Variants in APBB2 observed in about 807,000 individuals in gnomAD.
APBB2 encodes amyloid beta precursor protein binding family B member 2, also known as Fe65-like 1.
Under a neutral mutation model 82.5 loss-of-function variants are expected in APBB2, and 38 were observed. The ratio of observed to expected loss-of-function variants is 0.46; its 90% CI spans 0.36 to 0.60. APBB2 has a LOEUF of 0.60. Ranked by LOEUF, APBB2 falls within the 20% of genes least tolerant of loss-of-function variation. The pLI is 0.00. For synonymous variants in APBB2, 341 were observed against 368.2 expected (o/e 0.93, Z 0.85); for missense variants, 772 against 972.3 (o/e 0.79, Z 2.74).
chr4:40,852,789 T>G (rs1009461756), intron 12 of APBB2, among the ~76,000 whole-genome samples: 3 of 152,032 alleles, frequency 2.0e-5, no homozygotes, highest in Non-Finnish European at 4.4e-5. Flanking sequence ...TACAGGCATG[T>G]GCCACCATGC....
At chr4:41,035,438 CCT>C (rs1718757554) in intron 4 of APBB2, among the ~76,000 whole-genome samples, 1 of 152,224 alleles carries the variant, frequency 6.6e-6, no homozygotes, top group Non-Finnish European at 1.5e-5. Flanking sequence ...CCTCTGTGCT[CCT>C]CTGTCTTTGC....
rs537822487 is a variant in APBB2, at chr4:41,112,921, A to C, written c.-260-12171T>G. Among the ~76,000 whole-genome samples, 18 of 152,096 alleles carry C rather than the reference A, an allele frequency of 1.2e-4. No homozygotes were observed. In the East Asian group the frequency reaches 3.5e-3, roughly 29 times the overall value. On this transcript the variant is annotated intron_variant, in intron 2 of 17. Transcript: ENST00000508593. ...AGAACTGCTTGAATCCAGGAGGCGG[A>C]GGTTGCAGTGAGCCGAGATTGCACA...
chr4:40,933,965 A>C (rs1005346269), intron 10 of APBB2, among the ~76,000 whole-genome samples: 4 of 152,218 alleles, frequency 2.6e-5, no homozygotes, highest in African/African-American at 9.6e-5. Context: ...CAAAATGGAC[A>C]CAAGTTTGCC....
intron 1 of APBB2, among the ~76,000 whole-genome samples, chr4:41,212,942 C>G (rs879468739): frequency 6.6e-6 from 1 of 152,108 alleles, no homozygotes; most frequent in Non-Finnish European, 1.5e-5. Flanking sequence ...AAGTTGAAAA[C>G]GAGAAGGTTG....
chr4:40,844,749 A>T (rs1757013621), intron 12 of APBB2, among the ~76,000 whole-genome samples: 1 of 152,214 alleles, frequency 6.6e-6, no homozygotes, highest in Non-Finnish European at 1.5e-5. Flanking sequence ...CAAGTCACAC[A>T]ACCTCCCTAA....
At chr4:41,047,258 G>A (rs1452510656) in intron 4 of APBB2, among the ~76,000 whole-genome samples, 2 of 152,232 alleles carry the variant, frequency 1.3e-5, no homozygotes, top group African/African-American at 4.8e-5. Context: ...GGTCTAAGGT[G>A]CTTTTTGAGA....
intron 6 of APBB2, among the ~76,000 whole-genome samples, chr4:40,965,202 AG>A (rs71198618): frequency 0.23 from 34,691 of 152,078 alleles, 5,011 homozygotes; most frequent in East Asian, 0.59. Flanking sequence ...CAAGTAAACA[AG>A]TAAGTCCATT....
intron 12 of APBB2, among the ~76,000 whole-genome samples, chr4:40,860,198 C>A (rs1215983555): frequency 6.6e-6 from 1 of 152,120 alleles, no homozygotes; most frequent in African/African-American, 2.4e-5. Flanking sequence ...ACTCTAACAC[C>A]TTGGAATGTT....
At chr4:41,204,776 A>T (rs919801209) in intron 1 of APBB2, among the ~76,000 whole-genome samples, 2 of 152,246 alleles carry the variant, frequency 1.3e-5, no homozygotes, top group African/African-American at 4.8e-5. Context: ...ATAAGCCAGG[A>T]GGCCACTGCT....
intron 4 of APBB2, among the ~76,000 whole-genome samples, chr4:41,051,272 CCTT>C (rs1176892994): frequency 3.3e-5 from 5 of 152,200 alleles, no homozygotes; most frequent in Admixed American, 3.3e-4. Context: ...ACACTGGAGA[CCTT>C]CTGTGGGCCC....
intron 12 of APBB2, among the ~76,000 whole-genome samples, chr4:40,838,203 C>G (rs1381470205): frequency 3.3e-5 from 5 of 150,448 alleles, no homozygotes; most frequent in African/African-American, 4.9e-5. Flanking sequence ...CGCTCTGTCA[C>G]CCAGGCTGGA....
At chr4:40,946,608 G>A (rs1436715791) in intron 6 of APBB2, among the ~76,000 whole-genome samples, 1 of 152,002 alleles carries the variant, frequency 6.6e-6, no homozygotes, top group African/African-American at 2.4e-5. Context: ...GAACAGAGGG[G>A]AGAGGAAGTA....
intron 3 of APBB2, among the ~76,000 whole-genome samples, chr4:41,093,449 A>AT (rs369142325): frequency 3.0e-4 from 46 of 151,134 alleles, no homozygotes; most frequent in Middle Eastern, 3.4e-3. Context: ...GTGGATAAGG[A>AT]TTTTTTTTTT....
chr4:40,907,348 C>CATATATAT (rs56302731), intron 10 of APBB2, among the ~76,000 whole-genome samples: 51 of 97,296 alleles, frequency 5.2e-4, no homozygotes, highest in Non-Finnish European at 8.3e-4. Flanking sequence ...TAATATATTA[C>CATATATAT]ATATATATAT....
Position 40,827,136 on chromosome 4 carries a change from C to A in APBB2, c.1728G>T (p.Leu576Phe). Reference protein sequence around the residue: ...ERANVNLDVPLQVDFPTPKTE... With the variant: ...ERANVNLDVPFQVDFPTPKTE... ...CATGAGGTGCCACTGACTTACCTTGCAAAGGGACATCGAGGTTCACATTGG... is the reference window on the plus strand; with the variant it reads ...CATGAGGTGCCACTGACTTACCTTGAAAAGGGACATCGAGGTTCACATTGG... The change falls in exon 14 of 18, where the codon TTG becomes TTT. Residue 576 changes from leucine to phenylalanine, a missense_variant. Leu to Phe is a conservative substitution (Grantham distance 22, BLOSUM62 0). Coordinates refer to ENST00000508593, the MANE Select transcript of APBB2 (RefSeq NM_004307.2). 6.2e-7 allele frequency: 1 copy of A among 1,614,040 alleles called. No homozygotes were observed. The highest frequency in any genetic ancestry group is 2.2e-5 in the East Asian group (1 of 44,872).
intron 12 of APBB2, among the ~76,000 whole-genome samples, chr4:40,843,858 C>T (rs1756700008): frequency 6.6e-6 from 1 of 152,188 alleles, no homozygotes; most frequent in African/African-American, 2.4e-5. Context: ...CACACAGCTA[C>T]TACATGGGGA....
At chr4:40,862,870 A>C (rs1763104920) in intron 12 of APBB2, among the ~76,000 whole-genome samples, 1 of 151,996 alleles carries the variant, frequency 6.6e-6, no homozygotes, top group Admixed American at 6.6e-5. Flanking sequence ...AAAAAAAAAA[A>C]AAAAGCGCCA....
At chr4:40,983,111 A>G (rs1799549425) in intron 6 of APBB2, among the ~76,000 whole-genome samples, 1 of 152,230 alleles carries the variant, frequency 6.6e-6, no homozygotes. Flanking sequence ...TAAGTACTTC[A>G]TGTCTATTAC....
intron 10 of APBB2, among the ~76,000 whole-genome samples, chr4:40,916,929 C>T (rs1779994419): frequency 6.6e-6 from 1 of 152,140 alleles, no homozygotes; most frequent in South Asian, 2.1e-4. Flanking sequence ...GAGGGGAGGA[C>T]TTCGTATCAT....
Sources: gnomAD v4.1 joint callset for allele counts (sites outside exome capture counted in the v4.1 genomes callset) on GRCh38, gnomAD v4.1.1 for gene constraint, MANE v1.5 for transcripts, NCBI Gene and HGNC (gene_info 2026-07-23, HGNC 2026-07-21) for gene names.